The following MED12L variants were observed in gnomAD, a reference collection of about 807,000 sequenced individuals.
The protein encoded by MED12L is mediator complex subunit 12L, also known as mediator of RNA polymerase II transcription subunit 12-like protein.
MED12L carries 60 observed loss-of-function variants against 281.3 expected under a neutral mutation model. That is an observed-to-expected ratio of 0.21 (90% confidence interval 0.17 to 0.26). The LOEUF (loss-of-function observed/expected upper bound fraction) is 0.26, where lower values mean the gene tolerates loss of function less well. Among genes scored for constraint, MED12L ranks in the 10% least tolerant of loss-of-function variants. MED12L has a pLI of 1.00. For missense variants in MED12L, 2,146 were observed against 2,680.9 expected (o/e 0.80, Z 4.41); for synonymous variants, 974 against 987.2 (o/e 0.99, Z 0.25).
intron 16 of MED12L, among the ~76,000 whole-genome samples, chr3:151,194,833 G>T (rs62284842): frequency 0.026 from 3,900 of 152,094 alleles, 70 homozygotes; most frequent in Non-Finnish European, 0.037. Context: ...CAATTTCAGG[G>T]AGTCATTTTT....
intron 31 of MED12L, among the ~76,000 whole-genome samples, chr3:151,379,262 G>A (rs1711784950): frequency 6.6e-6 from 1 of 152,156 alleles, no homozygotes; most frequent in East Asian, 1.9e-4. Context: ...CAGGACAGAT[G>A]GTATTGAAGA....
At chr3:151,321,074 A>G (rs1325378156) in intron 16 of MED12L, among the ~76,000 whole-genome samples, 1 of 152,214 alleles carries the variant, frequency 6.6e-6, no homozygotes, top group Non-Finnish European at 1.5e-5. Flanking sequence ...GAGCAAGCGA[A>G]TGAATGGGGT....
intron 16 of MED12L, among the ~76,000 whole-genome samples, chr3:151,278,753 T>C (rs1742322288): frequency 6.6e-6 from 1 of 152,188 alleles, no homozygotes; most frequent in South Asian, 2.1e-4. Context: ...CTCAGAAAAT[T>C]GTCAGCAGCT....
chr3:151,349,616 C>A (rs1752978386), intron 16 of MED12L, among the ~76,000 whole-genome samples: 1 of 152,002 alleles, frequency 6.6e-6, no homozygotes, highest in African/African-American at 2.4e-5. Flanking sequence ...GTTTGAGGAT[C>A]CTAGCAAGAT....
intron 16 of MED12L, among the ~76,000 whole-genome samples, chr3:151,341,094 G>C (rs1751762936): frequency 6.6e-6 from 1 of 152,074 alleles, no homozygotes; most frequent in Non-Finnish European, 1.5e-5. Context: ...TTTCTTGGGT[G>C]GTTAATTTAT....
chr3:151,213,586 A>G, intron 16 of MED12L: 1 of 1,614,184 alleles, frequency 6.2e-7, no homozygotes, highest in Non-Finnish European at 8.5e-7. Context: ...TACAAAACAG[A>G]CAAAAAACAC....
chr3:151,325,808 C>T (rs1749527982), intron 16 of MED12L, among the ~76,000 whole-genome samples: 1 of 152,154 alleles, frequency 6.6e-6, no homozygotes, highest in Non-Finnish European at 1.5e-5. Flanking sequence ...AGGCAAAATA[C>T]ACAGGTTACC....
At chr3:151,408,731 T>A (rs1327080923) in intron 39 of MED12L, among the ~76,000 whole-genome samples, 4 of 152,264 alleles carry the variant, frequency 2.6e-5, no homozygotes, top group Non-Finnish European at 5.9e-5. Context: ...TATATTCTCA[T>A]TGATTTTTAG....
chr3:151,347,784 T>G (rs1263010725), intron 16 of MED12L, among the ~76,000 whole-genome samples: 1 of 152,130 alleles, frequency 6.6e-6, no homozygotes, highest in Admixed American at 6.5e-5. Context: ...TTATCCCAGG[T>G]TTTCTCACAA....
intron 16 of MED12L, among the ~76,000 whole-genome samples, chr3:151,245,880 C>T (rs1735335477): frequency 6.6e-6 from 1 of 151,728 alleles, no homozygotes; most frequent in African/African-American, 2.4e-5. Context: ...CCCATCGTTT[C>T]AGCCCAAAAT....
intron 16 of MED12L, chr3:151,336,655 A>C: frequency 2.4e-6 from 1 of 413,676 alleles, no homozygotes; most frequent in Non-Finnish European, 4.8e-6. Flanking sequence ...ACTGCATGTT[A>C]TAAGTCTGAC....
At chr3:151,114,492 A>C (rs750260921) in intron 2 of MED12L, among the ~76,000 whole-genome samples, 13 of 152,186 alleles carry the variant, frequency 8.5e-5, no homozygotes, top group Non-Finnish European at 1.9e-4. Flanking sequence ...AAGCTTCTTG[A>C]TTAATCATAG....
intron 16 of MED12L, among the ~76,000 whole-genome samples, chr3:151,282,524 T>A (rs949993179): frequency 3.9e-5 from 6 of 152,100 alleles, no homozygotes; most frequent in Non-Finnish European, 8.8e-5. Flanking sequence ...GTGTAAACAT[T>A]TTATGAAAGT....
intron 43 of MED12L, among the ~76,000 whole-genome samples, 153 bp downstream of exon 43, chr3:151,416,575 A>T (rs1214598053): frequency 6.6e-6 from 1 of 152,204 alleles, no homozygotes; most frequent in Admixed American, 6.5e-5. Flanking sequence ...TTGTCATTGT[A>T]GTTGGTATAT....
At chr3:151,274,403 C>T (rs1741502341) in intron 16 of MED12L, among the ~76,000 whole-genome samples, 3 of 152,130 alleles carry the variant, frequency 2.0e-5, no homozygotes, top group South Asian at 4.1e-4. Context: ...TTCCTTTTTT[C>T]ACTTCTATAA....
chr3:151,226,048 T>A (rs1170214245), intron 16 of MED12L, among the ~76,000 whole-genome samples: 1 of 152,154 alleles, frequency 6.6e-6, no homozygotes, highest in East Asian at 1.9e-4. Context: ...TGGAAACACA[T>A]CAGGGAACTC....
At chr3:151,132,757 T>G (rs115801446) in intron 5 of MED12L, among the ~76,000 whole-genome samples, 1 of 152,232 alleles carries the variant, frequency 6.6e-6, no homozygotes, top group African/African-American at 2.4e-5. Context: ...TCCAAATATC[T>G]AATCTTGTTT....
intron 16 of MED12L, among the ~76,000 whole-genome samples, chr3:151,308,098 A>G (rs1048454489): frequency 6.6e-6 from 1 of 152,186 alleles, no homozygotes; most frequent in African/African-American, 2.4e-5. Flanking sequence ...TGTAAGTGCT[A>G]TAGTAATGTA....
intron 3 of MED12L, among the ~76,000 whole-genome samples, chr3:151,117,447 C>A (rs556508806): frequency 6.6e-6 from 1 of 152,282 alleles, no homozygotes; most frequent in South Asian, 2.1e-4. Flanking sequence ...CACATAGATA[C>A]ATATTTTTTC....
Sources: allele counts gnomAD v4.1 joint callset (sites outside exome capture counted in the v4.1 genomes callset), GRCh38; gene constraint gnomAD v4.1.1; transcripts MANE v1.5; gene names NCBI Gene and HGNC (gene_info 2026-07-23, HGNC 2026-07-21).